Variants in HNRNPM observed in about 807,000 individuals in gnomAD.
The protein encoded by HNRNPM is heterogeneous nuclear ribonucleoprotein M.
Under a neutral mutation model 73.1 loss-of-function variants are expected in HNRNPM, and 11 were observed. The observed-to-expected ratio is 0.15, with a 90% confidence interval of 0.09 to 0.25. HNRNPM has a LOEUF of 0.25. Ranked by LOEUF, HNRNPM falls within the 10% of genes least tolerant of loss-of-function variation. The pLI is 1.00. For synonymous variants in HNRNPM, 407 were observed against 355.2 expected, an observed-to-expected ratio of 1.15 and a Z score of -1.64; for missense variants, 789 against 1,067.9, an observed-to-expected ratio of 0.74 and a Z score of 3.64.
intron 5 of HNRNPM, among the ~76,000 whole-genome samples, chr19:8,464,140 G>A (rs1187418401): frequency 6.6e-6 from 1 of 152,162 alleles, no homozygotes; most frequent in Admixed American, 6.5e-5. Context: ...AGCTACTTGG[G>A]AGGCTGAGGC....
At chr19:8,454,043 G>C (rs1015222493) in intron 1 of HNRNPM, among the ~76,000 whole-genome samples, 2 of 152,202 alleles carry the variant, frequency 1.3e-5, no homozygotes, top group African/African-American at 4.8e-5. Flanking sequence ...AAAGTAGTAG[G>C]ATTGTGTAGG....
rs189349706 is a variant in HNRNPM, at chr19:8,456,346, A to G, written c.283+772A>G. Among the ~76,000 whole-genome samples the G allele has an allele frequency of 1.2e-4, 18 of 152,280 alleles. No individual in the cohort carries two copies. The East Asian group carries it at 2.7e-3, about 23-fold the overall frequency. Reference sequence around the variant, plus strand: ...TCTCCTTCTTCCCTCCTGTGCTGCTATCGTCTTCCTTTCTTTCCTGATTCT... The same window carrying G: ...TCTCCTTCTTCCCTCCTGTGCTGCTGTCGTCTTCCTTTCTTTCCTGATTCT... On this transcript the variant is annotated intron_variant, in intron 2 of 15. Coordinates refer to ENST00000325495, the MANE Select transcript of HNRNPM (RefSeq NM_005968.5).
chr19:8,454,543 A>C (rs898833312), intron 1 of HNRNPM, among the ~76,000 whole-genome samples: 6 of 152,136 alleles, frequency 3.9e-5, no homozygotes, highest in Non-Finnish European at 5.9e-5. Context: ...GAACATTGGC[A>C]TATGTGTATG....
chr19:8,479,412 C>T (rs536546931), intron 12 of HNRNPM, among the ~76,000 whole-genome samples: 4 of 152,122 alleles, frequency 2.6e-5, no homozygotes, highest in African/African-American at 9.6e-5. Context: ...CTGTATTCTT[C>T]AAATTTATGA....
chr19:8,449,875 C>T (rs962024251), intron 1 of HNRNPM, among the ~76,000 whole-genome samples: 1 of 152,166 alleles, frequency 6.6e-6, no homozygotes, highest in Non-Finnish European at 1.5e-5. Flanking sequence ...AGGTAGTAGC[C>T]TCCATAGGAC....
Position 8,485,585 on chromosome 19 carries a change from T to A in HNRNPM, c.1175-18T>A. 1 of 1,590,726 alleles carries A rather than the reference T, an allele frequency of 6.3e-7. No individual in the cohort carries two copies. The highest frequency in any genetic ancestry group is 8.5e-7 in the Non-Finnish European group (1 of 1,170,806). ...TCAAGTTCTTGACACCCACCTGTGT[T>A]TTGTGTCCCTGTTTCAGGTGGAGGT... On this transcript the variant is annotated intron_variant, in intron 13 of 15. Transcript: ENST00000325495.
intron 1 of HNRNPM, among the ~76,000 whole-genome samples, chr19:8,448,042 C>T (rs928082271): frequency 1.3e-5 from 2 of 152,126 alleles, no homozygotes; most frequent in Non-Finnish European, 2.9e-5. Flanking sequence ...AACAAACAAA[C>T]AAGAACACTG....
chr19:8,447,169 GCTCAAAGT>G (rs1239400691), intron 1 of HNRNPM, among the ~76,000 whole-genome samples: 2 of 152,020 alleles, frequency 1.3e-5, no homozygotes, highest in South Asian at 2.1e-4. Context: ...TGAGAAAGAG[GCTCAAAGT>G]CTCAAAGTCT....
At chr19:8,459,527 G>A (rs1202816214) in intron 2 of HNRNPM, among the ~76,000 whole-genome samples, 2 of 152,120 alleles carry the variant, frequency 1.3e-5, no homozygotes, top group East Asian at 1.9e-4. Context: ...ACCGTTATGA[G>A]ATGAAGAATG....
intron 9 of HNRNPM, 108 bp downstream of exon 9, chr19:8,468,942 C>T (rs1285045661): frequency 1.3e-5 from 11 of 842,392 alleles, no homozygotes; most frequent in South Asian, 5.6e-5. Flanking sequence ...GCCCTCAGTT[C>T]TCTTGGCCAG....
At chr19:8,468,119 C>T (rs1328758989) in intron 8 of HNRNPM, among the ~76,000 whole-genome samples, 1 of 152,168 alleles carries the variant, frequency 6.6e-6, no homozygotes, top group African/African-American at 2.4e-5. Context: ...CTGTTCATGG[C>T]GCATTCAGGA....
chr19:8,455,340 A>G, intron 1 of HNRNPM, 65 bp from the exon 2 acceptor site: 8 of 1,363,382 alleles, frequency 5.9e-6, no homozygotes, highest in Non-Finnish European at 8.1e-6. Context: ...CAAATCAAAT[A>G]ATTATCTTTC....
At chr19:8,458,069 A>C (rs1969143417) in intron 2 of HNRNPM, among the ~76,000 whole-genome samples, 2 of 152,242 alleles carry the variant, frequency 1.3e-5, no homozygotes, top group Non-Finnish European at 2.9e-5. Context: ...ATCTAATTGC[A>C]GCCTCTCAGA....
At chr19:8,476,127 G>A (rs1466828444) in intron 12 of HNRNPM, among the ~76,000 whole-genome samples, 2 of 152,116 alleles carry the variant, frequency 1.3e-5, no homozygotes, top group East Asian at 1.9e-4. Flanking sequence ...AGGATTCCAA[G>A]TGCTGATTCT....
intron 1 of HNRNPM, among the ~76,000 whole-genome samples, chr19:8,446,224 A>G (rs1438201022): frequency 6.6e-6 from 1 of 152,216 alleles, no homozygotes; most frequent in Admixed American, 6.6e-5. Flanking sequence ...ATACTGACTC[A>G]GTGTGCTGTA....
intron 1 of HNRNPM, 119 bp downstream of exon 1, chr19:8,445,230 C>G (rs567082218): frequency 2.3e-6 from 2 of 879,038 alleles, no homozygotes; most frequent in African/African-American, 3.6e-5. Flanking sequence ...CCCGGCTGTT[C>G]CCGTACCGCC....
At chr19:8,447,453 C>T (rs1333749465) in intron 1 of HNRNPM, among the ~76,000 whole-genome samples, 1 of 152,050 alleles carries the variant, frequency 6.6e-6, no homozygotes. Context: ...GAGGAGGTGA[C>T]CTCCGCCACC....
chr19:8,452,146 C>T (rs893296845), intron 1 of HNRNPM, among the ~76,000 whole-genome samples: 4 of 152,160 alleles, frequency 2.6e-5, no homozygotes, highest in Non-Finnish European at 5.9e-5. Context: ...TATTCGTAGC[C>T]ATGGTATGCA....
chr19:8,454,212 G>C (rs989257398), intron 1 of HNRNPM, among the ~76,000 whole-genome samples: 1 of 152,178 alleles, frequency 6.6e-6, no homozygotes, highest in Admixed American at 6.5e-5. Flanking sequence ...GAAATTCTAT[G>C]CTCAGTATTT....
Sources: gnomAD v4.1 joint callset for allele counts (sites outside exome capture counted in the v4.1 genomes callset) on GRCh38, gnomAD v4.1.1 for gene constraint, MANE v1.5 for transcripts, NCBI Gene and HGNC (gene_info 2026-07-23, HGNC 2026-07-21) for gene names.